PHF21A: variants seen among roughly 807,000 people sequenced by gnomAD.
PHF21A encodes the protein PHD finger protein 21A, also known as BHC80a.
A neutral mutation model predicts 82.5 loss-of-function variants in PHF21A; 11 were observed. The observed-to-expected ratio is 0.13, with a 90% CI of 0.08 to 0.22. The LOEUF is 0.22. PHF21A is among the 10% of genes least tolerant of loss of function. The pLI, the probability that PHF21A is intolerant of heterozygous loss-of-function variation, is 1.00. For missense variants in PHF21A, 579 were observed against 837.8 expected (o/e 0.69, Z 3.81); for synonymous variants, 297 against 302.8 (o/e 0.98, Z 0.20).
At chr11:46,081,602 G>C (rs956155777) in intron 4 of PHF21A, among the ~76,000 whole-genome samples, 5 of 152,198 alleles carry the variant, frequency 3.3e-5, no homozygotes, top group African/African-American at 1.2e-4. Flanking sequence ...TCAGGGGTAG[G>C]ACAGGACGAG....
chr11:46,062,357 A>G (rs2096545831), intron 6 of PHF21A, among the ~76,000 whole-genome samples: 1 of 150,994 alleles, frequency 6.6e-6, no homozygotes, highest in African/African-American at 2.4e-5. Context: ...TTTCTGGGTG[A>G]CCCTCTTAAA....
At chr11:45,973,285 A>C (rs2136133031) in intron 7 of PHF21A, among the ~76,000 whole-genome samples, 1 of 152,360 alleles carries the variant, frequency 6.6e-6, no homozygotes, top group Middle Eastern at 3.4e-3. Context: ...GTGCAATACC[A>C]GTGAAAAGTA....
chr11:45,983,201 C>T (rs2094367397), intron 6 of PHF21A, among the ~76,000 whole-genome samples: 1 of 152,034 alleles, frequency 6.6e-6, no homozygotes, highest in Non-Finnish European at 1.5e-5. Context: ...CACAACTGCT[C>T]CTCCCCCAGG....
At chr11:45,971,861 T>C (rs1048766515) in intron 7 of PHF21A, among the ~76,000 whole-genome samples, 2 of 150,410 alleles carry the variant, frequency 1.3e-5, no homozygotes, top group Non-Finnish European at 3.0e-5. Context: ...ACACAAAGGC[T>C]GGGGTAAAAG....
intron 6 of PHF21A, among the ~76,000 whole-genome samples, chr11:46,066,896 AAC>A (rs1192778059): frequency 3.3e-5 from 5 of 152,178 alleles, no homozygotes; most frequent in Admixed American, 2.0e-4. Context: ...CATAAATACA[AAC>A]ACAGTTTTTT....
chr11:46,108,590 A>T (rs1029543424), intron 1 of PHF21A, among the ~76,000 whole-genome samples: 15 of 124,722 alleles, frequency 1.2e-4, no homozygotes, highest in African/African-American at 4.6e-4. Context: ...TATATATAAA[A>T]TACATATGTA....
chr11:46,089,709 A>T (rs2096900989), intron 3 of PHF21A, among the ~76,000 whole-genome samples: 1 of 150,204 alleles, frequency 6.7e-6, no homozygotes, highest in African/African-American at 2.5e-5. Flanking sequence ...CCTATGAAAT[A>T]AAAAAATATG....
chr11:45,995,511 A>C (rs1012113007), intron 6 of PHF21A, among the ~76,000 whole-genome samples: 5 of 152,264 alleles, frequency 3.3e-5, no homozygotes, highest in African/African-American at 1.2e-4. Context: ...ATAAAAGATC[A>C]GAGCACTTGT....
At chr11:45,974,620 A>ATT (rs35677534) in intron 7 of PHF21A, among the ~76,000 whole-genome samples, 29 of 151,100 alleles carry the variant, frequency 1.9e-4, no homozygotes, top group African/African-American at 4.9e-4. Context: ...CACCTGGCTA[A>ATT]TTTTTTTTAT....
intron 16 of PHF21A, 123 bp downstream of exon 16, chr11:45,938,034 G>T: frequency 1.3e-6 from 1 of 791,026 alleles, no homozygotes; most frequent in Non-Finnish European, 2.0e-6. Context: ...AAACAGGGAA[G>T]ATGCAGCCCG....
At chr11:46,099,243 CACAAA>C (rs2097053030) in intron 1 of PHF21A, among the ~76,000 whole-genome samples, 2 of 152,064 alleles carry the variant, frequency 1.3e-5, no homozygotes, top group South Asian at 4.1e-4. Context: ...AACACATGCA[CACAAA>C]ACAAAACTCA....
At chr11:45,940,357 GACTA>G (rs561403382) in intron 15 of PHF21A, among the ~76,000 whole-genome samples, 121 of 152,100 alleles carry the variant, frequency 8.0e-4, no homozygotes, top group African/African-American at 2.7e-3. Flanking sequence ...CACCACGCCT[GACTA>G]ACTTTTATAT....
At chr11:46,029,792 C>T in intron 6 of PHF21A, among the ~76,000 whole-genome samples, 1 of 152,060 alleles carries the variant, frequency 6.6e-6, no homozygotes, top group Non-Finnish European at 1.5e-5. Flanking sequence ...AACAAATGTC[C>T]GTTAGAGTGC....
chr11:45,940,058 G>A (rs527803898), intron 15 of PHF21A, among the ~76,000 whole-genome samples: 1 of 152,290 alleles, frequency 6.6e-6, no homozygotes, highest in Non-Finnish European at 1.5e-5. Flanking sequence ...CACCACTAGT[G>A]AAGGAACACA....
At chr11:45,957,700 C>T (rs1591231650) in intron 10 of PHF21A, among the ~76,000 whole-genome samples, 1 of 93,684 alleles carries the variant, frequency 1.1e-5, no homozygotes, top group African/African-American at 4.0e-5. Flanking sequence ...GAGCTCAAAT[C>T]AATAACCTAA....
chr11:46,109,058 T>G (rs962983484), intron 1 of PHF21A, among the ~76,000 whole-genome samples: 2 of 152,210 alleles, frequency 1.3e-5, no homozygotes, highest in African/African-American at 4.8e-5. Context: ...ACTGTAGCTG[T>G]GGCCATTTCA....
chr11:46,050,402 A>G (rs1423159296), intron 6 of PHF21A, among the ~76,000 whole-genome samples: 1 of 152,170 alleles, frequency 6.6e-6, no homozygotes, highest in East Asian at 1.9e-4. Context: ...GCTGACTGTG[A>G]GCATGTTGGG....
chr11:45,947,325 G>C (rs540521604), intron 14 of PHF21A, among the ~76,000 whole-genome samples: 2 of 152,162 alleles, frequency 1.3e-5, no homozygotes, highest in South Asian at 4.2e-4. Context: ...GAAAAAAAAG[G>C]GCCAGAGAGA....
At chr11:46,082,922 A>G (rs2096810193) in intron 4 of PHF21A, among the ~76,000 whole-genome samples, 1 of 152,196 alleles carries the variant, frequency 6.6e-6, no homozygotes. Context: ...AAACTCCAAA[A>G]ATCACACACA....
Sources: allele counts gnomAD v4.1 joint callset (sites outside exome capture counted in the v4.1 genomes callset), GRCh38; gene constraint gnomAD v4.1.1; transcripts MANE v1.5; gene names NCBI Gene and HGNC (gene_info 2026-07-23, HGNC 2026-07-21).